RCBTB2: variants seen among roughly 807,000 people sequenced by gnomAD.
RCBTB2 encodes RCC1 and BTB domain containing protein 2.
Under a neutral mutation model 65.4 loss-of-function variants are expected in RCBTB2, and 55 were observed. That is an observed-to-expected ratio of 0.84 (90% CI 0.68 to 1.05). The LOEUF is 1.05. Among genes scored for constraint, RCBTB2 ranks in the 50% least tolerant of loss-of-function variants. The probability of loss-of-function intolerance (pLI) is 0.00; values close to 1 mark genes in which losing one functional copy is unlikely to be tolerated. For synonymous variants in RCBTB2, 220 were observed against 255.2 expected (o/e 0.86, Z 1.31); for missense variants, 599 against 680.1 (o/e 0.88, Z 1.33).
In RCBTB2 at chr13:48,510,670, G is replaced by A; in HGVS notation, c.885C>T (p.Ser295=). ...SYGQLGTGNK[S]NQSYPTPVTV... ...TGACAGGAGTAGGATAGGACTGGTTGCTTTTATTGCCAGTGCCCAACTGCC... is the reference window on the plus strand; with the variant it reads ...TGACAGGAGTAGGATAGGACTGGTTACTTTTATTGCCAGTGCCCAACTGCC... The change falls in exon 10 of 15, where the codon AGC becomes AGT. Residue 295 remains serine (S), a synonymous_variant. Coordinates refer to ENST00000344532, the MANE Select transcript of RCBTB2 (RefSeq NM_001268.4). 1 of 1,614,172 alleles carries A rather than the reference G, an allele frequency of 6.2e-7. No homozygotes were observed. Among genetic ancestry groups the A allele is most frequent in the East Asian group, 2.2e-5 (1 of 44,882 alleles).
chr13:48,528,741 C>T (rs1056625701), intron 1 of RCBTB2, among the ~76,000 whole-genome samples: 4 of 152,102 alleles, frequency 2.6e-5, no homozygotes, highest in African/African-American at 9.7e-5. Context: ...ATAGTGTTAG[C>T]TGTAATATTA....
At chr13:48,528,404 T>C (rs1382907642) in intron 1 of RCBTB2, among the ~76,000 whole-genome samples, 1 of 152,228 alleles carries the variant, frequency 6.6e-6, no homozygotes, top group Non-Finnish European at 1.5e-5. Context: ...CTGATATTTT[T>C]AGAATTCTCT....
chr13:48,497,135 A>G (rs1478190333), intron 13 of RCBTB2, among the ~76,000 whole-genome samples: 1 of 152,144 alleles, frequency 6.6e-6, no homozygotes, highest in Non-Finnish European at 1.5e-5. Context: ...TATGGTTGAT[A>G]ATGCTCTCCT....
At chr13:48,533,906 A>G (rs1362837530), upstream of RCBTB2, among the ~76,000 whole-genome samples, 4 of 152,242 alleles carry the variant, frequency 2.6e-5, no homozygotes, top group Non-Finnish European at 5.9e-5. Context: ...TCATGAGGAC[A>G]CTGGTTCCTC....
Position 48,512,066 on chromosome 13 carries a change from T to G in RCBTB2, c.625A>C (p.Thr209Pro). The change falls in exon 8 of 15, where the codon ACC becomes CCC. Residue 209 changes from threonine (T) to proline (P), a missense_variant. Physicochemically the swap from Thr to Pro is conservative, Grantham distance 38. Transcript: ENST00000344532. ...CAGCACATCTGCCCACATGCTATGG[T>G]CACAACTACTTTATTTTGTAGGCAG... Reference protein sequence around the residue: ...TGCLQNKVVVTIACGQMCCMA... With the variant: ...TGCLQNKVVVPIACGQMCCMA... 1 of 1,614,246 alleles carries G rather than the reference T, an allele frequency of 6.2e-7. No individual in the cohort carries two copies. The highest frequency in any genetic ancestry group is 1.3e-5 in the African/African-American group (1 of 75,066).
chr13:48,534,470 T>G (rs1952327742), upstream of RCBTB2, among the ~76,000 whole-genome samples: 1 of 152,220 alleles, frequency 6.6e-6, no homozygotes, highest in South Asian at 2.1e-4. Context: ...TCAGCAACCA[T>G]GGCAAGATCT....
At chr13:48,512,666 A>G in intron 7 of RCBTB2, 63 bp downstream of exon 7, 1 of 1,311,600 alleles carries the variant, frequency 7.6e-7, no homozygotes, top group East Asian at 2.3e-5. Context: ...TTCCAGGACT[A>G]CTATAGAAGT....
intron 1 of RCBTB2, among the ~76,000 whole-genome samples, chr13:48,530,108 C>T (rs7987986): frequency 0.011 from 1,680 of 151,924 alleles, 22 homozygotes; most frequent in African/African-American, 0.039. Flanking sequence ...CATGTTGTCC[C>T]GGCTGGTCTC....
At chr13:48,500,223 C>T (rs1950171409) in intron 12 of RCBTB2, among the ~76,000 whole-genome samples, 1 of 152,208 alleles carries the variant, frequency 6.6e-6, no homozygotes, top group Non-Finnish European at 1.5e-5. Flanking sequence ...AAGAAGGTCA[C>T]TAGGGTGGGC....
At chr13:48,522,763 G>T (rs1227312319) in intron 2 of RCBTB2, among the ~76,000 whole-genome samples, 1 of 152,126 alleles carries the variant, frequency 6.6e-6, no homozygotes, top group Non-Finnish European at 1.5e-5. Flanking sequence ...ACGAGGTAGG[G>T]TCTATTTACT....
intron 4 of RCBTB2, among the ~76,000 whole-genome samples, chr13:48,520,002 T>C (rs559900189): frequency 6.6e-6 from 1 of 152,256 alleles, no homozygotes; most frequent in South Asian, 2.1e-4. Flanking sequence ...CATTAGAGCA[T>C]TTCAGATTTC....
intron 9 of RCBTB2, among the ~76,000 whole-genome samples, chr13:48,511,005 TCA>T (rs1950762177): frequency 6.6e-6 from 1 of 152,134 alleles, no homozygotes; most frequent in African/African-American, 2.4e-5. Context: ...GCTTTAATAC[TCA>T]CAGAAATCAA....
Position 48,515,249 on chromosome 13 carries a change from C to A in RCBTB2, c.305G>T (p.Cys102Phe), listed in dbSNP as rs979544036. 1.9e-6 allele frequency: 3 copies of A among 1,614,106 alleles called. No homozygotes were observed. In the African/African-American group the frequency reaches 4.0e-5, roughly 22 times the overall value. Residue 102 changes from cysteine to phenylalanine, a missense_variant, in exon 6 of 15, where the codon TGC (cysteine) becomes TTC (phenylalanine). Physicochemically the swap from Cys to Phe is radical, Grantham distance 205. Transcript: ENST00000344532. ...ATGTGGACCACTCCCATAGCTGAGG[C>A]AGGCTATTTTTTTGCCATTTAAAGA... is the stretch of plus-strand genomic sequence containing the variant. ...LDSLNGKKIA[C>F]LSYGSGPHIV...
chr13:48,519,518 G>A (rs180996591), intron 4 of RCBTB2, among the ~76,000 whole-genome samples: 7 of 152,234 alleles, frequency 4.6e-5, no homozygotes, highest in East Asian at 3.9e-4. Flanking sequence ...TACCCAGCCC[G>A]TAACTCTACT....
At chr13:48,525,905 T>A (rs1305883839) in intron 1 of RCBTB2, among the ~76,000 whole-genome samples, 1 of 152,188 alleles carries the variant, frequency 6.6e-6, no homozygotes, top group Non-Finnish European at 1.5e-5. Flanking sequence ...TTTTAATGTG[T>A]TATGGATACC....
intron 4 of RCBTB2, among the ~76,000 whole-genome samples, chr13:48,520,700 C>A (rs79776387): frequency 2.0e-5 from 3 of 152,312 alleles, no homozygotes; most frequent in Non-Finnish European, 4.4e-5. Context: ...ACCTGTATAA[C>A]TATGCTTCTC....
At chr13:48,503,463 G>C (rs1373202705) in intron 10 of RCBTB2, among the ~76,000 whole-genome samples, 2 of 151,698 alleles carry the variant, frequency 1.3e-5, no homozygotes. Context: ...TGGAGCCCAG[G>C]AGAGCAGTTT....
intron 4 of RCBTB2, among the ~76,000 whole-genome samples, chr13:48,517,995 C>T (rs575874411): frequency 6.6e-6 from 1 of 152,282 alleles, no homozygotes; most frequent in East Asian, 1.9e-4. Flanking sequence ...ACAACAGACA[C>T]AGGGACTGCA....
At chr13:48,522,229 T>G in intron 3 of RCBTB2, 79 bp downstream of exon 3, 1 of 988,170 alleles carries the variant, frequency 1.0e-6, no homozygotes, top group Non-Finnish European at 1.5e-6. Flanking sequence ...ACATGGGTCC[T>G]TAACTCTATA....
Sources: gnomAD v4.1 joint callset for allele counts (sites outside exome capture counted in the v4.1 genomes callset) on GRCh38, gnomAD v4.1.1 for gene constraint, MANE v1.5 for transcripts, NCBI Gene and HGNC (gene_info 2026-07-23, HGNC 2026-07-21) for gene names.